Variants in MOB2 observed in about 807,000 individuals in gnomAD.
MOB2 encodes the protein MOB kinase activator 2.
A neutral mutation model predicts 27.4 loss-of-function variants in MOB2; 14 were observed. The observed-to-expected ratio is 0.51, with a 90% CI of 0.34 to 0.80. The LOEUF is 0.80. MOB2 is among the 30% of genes least tolerant of loss of function. MOB2 has a pLI of 0.01. For synonymous variants in MOB2, 167 were observed against 151.8 expected, an observed-to-expected ratio of 1.10 and a Z score of -0.74; for missense variants, 304 against 354.6, an observed-to-expected ratio of 0.86 and a Z score of 1.15.
In MOB2 at chr11:1,470,184, C is replaced by G; in HGVS notation, c.795G>C (p.Val265=). ...GSGGPGAQNH[V]KER ...CGGCCCGGGGGGCTCATCTCTCCTT[C>G]ACGTGGTTCTGTGCTCCCGGGCCCC... Residue 265 remains valine, a synonymous_variant, in exon 5 of 5, where the codon GTG becomes GTC. Coordinates refer to ENST00000329957, the MANE Select transcript of MOB2 (RefSeq NM_001172223.3). 1 of 1,604,056 alleles carries G rather than the reference C, an allele frequency of 6.2e-7. No individual in the cohort carries two copies. The highest frequency in any genetic ancestry group is 8.5e-7 in the Non-Finnish European group (1 of 1,175,674).
intron 1 of MOB2, among the ~76,000 whole-genome samples, chr11:1,485,504 G>C (rs1053877549): frequency 6.6e-6 from 1 of 152,258 alleles, no homozygotes; most frequent in Non-Finnish European, 1.5e-5. Flanking sequence ...GTGATCGGGA[G>C]ATAGGGAAGG....
At chr11:1,478,309 C>T (rs958380475) in intron 3 of MOB2, among the ~76,000 whole-genome samples, 5 of 152,270 alleles carry the variant, frequency 3.3e-5, no homozygotes, top group Non-Finnish European at 5.9e-5. Context: ...CCATCACTGG[C>T]GTCTCCACAA....
chr11:1,482,697 T>G (rs764372320), intron 1 of MOB2, among the ~76,000 whole-genome samples: 1 of 152,186 alleles, frequency 6.6e-6, no homozygotes, highest in Non-Finnish European at 1.5e-5. Flanking sequence ...GAGACAAGCC[T>G]CCTGCAAGCC....
At chr11:1,470,795 G>A (rs564068191) in intron 4 of MOB2, among the ~76,000 whole-genome samples, 14 of 138,494 alleles carry the variant, frequency 1.0e-4, no homozygotes, top group Non-Finnish European at 1.9e-4. Flanking sequence ...GCCTGTGATC[G>A]GGCACTCGGG....
intron 1 of MOB2, among the ~76,000 whole-genome samples, chr11:1,486,034 G>A (rs1847966153): frequency 6.6e-6 from 1 of 152,354 alleles, no homozygotes; most frequent in Non-Finnish European, 1.5e-5. Context: ...ACAGCCGCAC[G>A]CTGGGACAAA....
At chr11:1,471,460 A>ACACC (rs1847790090) in intron 3 of MOB2, 41 bp from the exon 4 acceptor site, 1 of 1,576,758 alleles carries the variant, frequency 6.3e-7, no homozygotes, top group South Asian at 1.2e-5. Context: ...CGCCCGCTGC[A>ACACC]CACCCACCCA....
intron 3 of MOB2, chr11:1,472,166 C>T (rs1847800970): frequency 6.6e-6 from 1 of 151,956 alleles, no homozygotes; most frequent in Non-Finnish European, 1.5e-5. Context: ...CCTCCTCCCC[C>T]AGCACAACAC....
intron 3 of MOB2, among the ~76,000 whole-genome samples, chr11:1,480,138 C>T (rs1160561530): frequency 2.0e-5 from 3 of 152,192 alleles, no homozygotes; most frequent in African/African-American, 7.2e-5. Flanking sequence ...CGTCTCTGTC[C>T]CTAGAAACAT....
chr11:1,475,032 T>A (rs925143521), intron 3 of MOB2, among the ~76,000 whole-genome samples: 1 of 152,228 alleles, frequency 6.6e-6, no homozygotes, highest in African/African-American at 2.4e-5. Flanking sequence ...AATTTGTGTT[T>A]GGAGTCATCT....
chr11:1,486,399 G>C (rs1345456152), intron 1 of MOB2, 48 bp downstream of exon 1: 2 of 1,405,068 alleles, frequency 1.4e-6, no homozygotes, highest in East Asian at 5.0e-5. Flanking sequence ...GAACAGGGCA[G>C]ACAGATGTGC....
chr11:1,471,300 T>C lies in MOB2; in HGVS notation c.485A>G (p.Lys162Arg), dbSNP rs1452955132. ...CAGTGCTGGGGGAGACGAACCGTAT[T>C]TTGTGGGGAACACGTCCTCATCCGT... Reference protein sequence around the residue: ...LVTDEDVFPTKYGREFPSSFE... With the variant: ...LVTDEDVFPTRYGREFPSSFE... Residue 162 changes from lysine (K) to arginine (R), a missense_variant, in exon 4 of 5, where the codon AAA (lysine) becomes AGA (arginine). Coordinates refer to ENST00000329957, the MANE Select transcript of MOB2 (RefSeq NM_001172223.3). 1 of 1,612,708 alleles carries C rather than the reference T, an allele frequency of 6.2e-7. No individual in the cohort carries two copies. Among genetic ancestry groups the C allele is most frequent in the Admixed American group, 1.7e-5 (1 of 59,936 alleles).
Position 1,469,865 on chromosome 11 carries a change from C to G in MOB2, c.*307G>C, listed in dbSNP as rs769054632. ...CACCCGAGGGAGGGCAGGGGCTGCA[C>G]GGAGACCAGAGAAAGGAAAACCCCA... On this transcript the variant is annotated 3_prime_UTR_variant, in exon 5 of 5. Transcript: ENST00000329957. 52 of 649,906 alleles carry G rather than the reference C, an allele frequency of 8.0e-5. No individual in the cohort carries two copies. The highest frequency in any genetic ancestry group is 2.5e-4 in the Middle Eastern group (1 of 4,054). 40.3% of individuals were successfully genotyped at this position (649,906 alleles called of 1,614,324 possible). A position where few individuals can be genotyped will look rare whatever the true frequency, so the allele number is the denominator to read the frequency against.
chr11:1,486,090 G>T (rs376846963), intron 1 of MOB2, among the ~76,000 whole-genome samples: 40 of 152,364 alleles, frequency 2.6e-4, no homozygotes, highest in African/African-American at 8.9e-4. Flanking sequence ...CCTGTGGGTT[G>T]CGGGAGGACA....
Position 1,470,451 on chromosome 11 carries a change from C to T in MOB2, c.528G>A (p.Arg176=), listed in dbSNP as rs751818267. The T allele has an allele frequency of 1.9e-6, 3 of 1,613,492 alleles. No individual in the cohort carries two copies. The highest frequency in any genetic ancestry group is 2.2e-5 in the East Asian group (1 of 44,878). ...CGTGGAACAGGTGTCTGCAGATCTT[C>T]CTCACCAGGGACTCAAAGGAGCTGG... The part of the protein sequence containing the change: ...EFPSSFESLV[R]KICRHLFHVL... Residue 176 remains arginine, a synonymous_variant, in exon 5 of 5, where the codon AGG becomes AGA. Transcript: ENST00000329957.
intron 3 of MOB2, among the ~76,000 whole-genome samples, chr11:1,477,426 G>A (rs1008416302): frequency 6.6e-6 from 1 of 152,148 alleles, no homozygotes; most frequent in Non-Finnish European, 1.5e-5. Context: ...ACCTAGAGTG[G>A]TGTGACACAC....
rs527333433 is a variant in MOB2, at chr11:1,475,381, C to T, written c.366-3962G>A. Among the ~76,000 whole-genome samples the T allele has an allele frequency of 4.8e-4, 73 of 152,328 alleles. 4 individuals are homozygous for T. In the South Asian group the frequency reaches 0.015, roughly 31 times the overall value. ...CACAGGGGATGCACTGCAAGACCCC[C>T]AGGGGATGCCTGAAGCCACAGAGAG... is the stretch of plus-strand genomic sequence containing the variant. On this transcript the variant is annotated intron_variant, in intron 3 of 4. Transcript: ENST00000329957.
intron 3 of MOB2, among the ~76,000 whole-genome samples, chr11:1,476,017 C>G (rs371261936): frequency 6.6e-6 from 1 of 152,154 alleles, no homozygotes; most frequent in African/African-American, 2.4e-5. Flanking sequence ...AACCTGAGCA[C>G]GAGCACCCTG....
chr11:1,480,966 G>A lies in MOB2; in HGVS notation c.111-81C>T, dbSNP rs568336492. On this transcript the variant is annotated intron_variant, in intron 1 of 4. Transcript: ENST00000329957. ...GCCCGGGGGGTCAGTTGTGGCCAGC[G>A]CAGGTGTAGAGGGAGCTGCCCGAGC... 953 of 1,509,326 alleles carry A rather than the reference G, an allele frequency of 6.3e-4. 18 individuals carry two copies. In the South Asian group the frequency reaches 0.011, roughly 18 times the overall value. 93.5% of individuals were successfully genotyped at this position (1,509,326 alleles called of 1,614,324 possible).
chr11:1,476,620 GTTC>G (rs1374471973), intron 3 of MOB2, among the ~76,000 whole-genome samples: 1 of 152,090 alleles, frequency 6.6e-6, no homozygotes, highest in Non-Finnish European at 1.5e-5. Flanking sequence ...AGTGCTTTCT[GTTC>G]TTATTTACTT....
Sources: gnomAD v4.1 joint callset for allele counts (sites outside exome capture counted in the v4.1 genomes callset) on GRCh38, gnomAD v4.1.1 for gene constraint, MANE v1.5 for transcripts, NCBI Gene and HGNC (gene_info 2026-07-23, HGNC 2026-07-21) for gene names.